AP4E1: variants seen among roughly 807,000 people sequenced by gnomAD.
AP4E1 encodes AP-4 complex subunit epsilon-1.
AP4E1 carries 56 observed loss-of-function variants against 128.2 expected under a neutral mutation model. That is an observed-to-expected ratio of 0.44 (90% confidence interval 0.35 to 0.55). AP4E1 has a LOEUF of 0.55. Ranked by LOEUF, AP4E1 falls within the 20% of genes least tolerant of loss-of-function variation. The pLI, the probability that AP4E1 is intolerant of heterozygous loss-of-function variation, is 0.00. For synonymous variants in AP4E1, 484 were observed against 473.1 expected (o/e 1.02, Z -0.30); for missense variants, 1,324 against 1,307.7 (o/e 1.01, Z -0.19).
At chr15:50,980,704 G>A (rs2064632087) in intron 15 of AP4E1, among the ~76,000 whole-genome samples, 3 of 152,112 alleles carry the variant, frequency 2.0e-5, no homozygotes, top group South Asian at 4.2e-4. Flanking sequence ...GATGACCAGC[G>A]TACCCTTCAT....
chr15:50,918,687 G>C (rs1252465187), intron 3 of AP4E1, among the ~76,000 whole-genome samples: 1 of 151,884 alleles, frequency 6.6e-6, no homozygotes, highest in African/African-American at 2.4e-5. Flanking sequence ...TTTTGAAAAA[G>C]CAAGCAAAAG....
chr15:50,930,890 T>C lies in AP4E1; in HGVS notation c.788T>C (p.Phe263Ser), dbSNP rs750803302. Residue 263 changes from phenylalanine (F) to serine (S), a missense_variant, in exon 7 of 21, where the codon TTC becomes TCC. Physicochemically the swap from Phe to Ser is radical, Grantham distance 155 (BLOSUM62 -2). Coordinates refer to ENST00000261842, the MANE Select transcript of AP4E1 (RefSeq NM_007347.5). ...GTTGGAGGAAAGCTCCCAGTAGAAT[T>C]CAATTACCACAGTGTGCCAGCACCA... is the stretch of plus-strand genomic sequence containing the variant. Reference protein sequence around the residue: ...QVVGGKLPVEFNYHSVPAPWL... With the variant: ...QVVGGKLPVESNYHSVPAPWL... 1 of 1,614,094 alleles carries C rather than the reference T, an allele frequency of 6.2e-7. No individual in the cohort carries two copies. Among genetic ancestry groups the C allele is most frequent in the African/African-American group, 1.3e-5 (1 of 75,028 alleles).
chr15:50,956,599 G>T (rs1167744632), intron 13 of AP4E1, among the ~76,000 whole-genome samples: 1 of 152,176 alleles, frequency 6.6e-6, no homozygotes, highest in Non-Finnish European at 1.5e-5. Context: ...GCAGGAGAGA[G>T]AATGAAGCCA....
chr15:50,998,259 A>G (rs1258621920), intron 18 of AP4E1, among the ~76,000 whole-genome samples: 1 of 152,080 alleles, frequency 6.6e-6, no homozygotes, highest in African/African-American at 2.4e-5. Context: ...AGTTTCTTCT[A>G]TGAGCTAGAA....
chr15:50,915,144 C>T (rs1449545321), intron 2 of AP4E1, among the ~76,000 whole-genome samples: 3 of 152,104 alleles, frequency 2.0e-5, no homozygotes, highest in South Asian at 2.1e-4. Flanking sequence ...GTGAAGACCC[C>T]ATGTATCACA....
intron 17 of AP4E1, among the ~76,000 whole-genome samples, chr15:50,995,198 T>C (rs2064852296): frequency 6.6e-6 from 1 of 152,194 alleles, no homozygotes; most frequent in African/African-American, 2.4e-5. Flanking sequence ...TTTGGATGGC[T>C]GTTTTTCTTC....
chr15:50,923,033 T>C (rs937455498), intron 3 of AP4E1, among the ~76,000 whole-genome samples: 1 of 152,190 alleles, frequency 6.6e-6, no homozygotes, highest in Admixed American at 6.5e-5. Flanking sequence ...CACCTCGGCC[T>C]CCCAAAGTGC....
chr15:50,975,675 G>C (rs1024081849), intron 15 of AP4E1, among the ~76,000 whole-genome samples: 2 of 152,108 alleles, frequency 1.3e-5, no homozygotes, highest in African/African-American at 4.8e-5. Flanking sequence ...GTACTATGCT[G>C]TTTTGATTAT....
At chr15:50,997,971 G>T in intron 18 of AP4E1, 88 bp downstream of exon 18, 1 of 1,045,350 alleles carries the variant, frequency 9.6e-7, no homozygotes, top group Non-Finnish European at 1.4e-6. Flanking sequence ...CTTCACTTTT[G>T]TCATAAACAC....
intron 5 of AP4E1, 35 bp from the exon 6 acceptor site, chr15:50,928,974 G>C: frequency 1.2e-6 from 2 of 1,607,758 alleles, no homozygotes; most frequent in Middle Eastern, 3.3e-4. Context: ...TGAGAATTCA[G>C]ATTGTCTTGT....
rs1468608014 is a variant in AP4E1 at position 50,999,218 on chromosome 15, T to C, written c.3051T>C (p.Ala1017=). The change falls in exon 19 of 21, where the codon GCT becomes GCC. Residue 1017 remains alanine, a synonymous_variant. Coordinates refer to ENST00000261842, the MANE Select transcript of AP4E1 (RefSeq NM_007347.5). ...ATCATATGATGGATACTCATTCTGC[T>C]CAGCTGGAATTTTCTGTAAACTTAT... ...ISYHMMDTHS[A]QLEFSVNLSL... is the part of the protein sequence containing the mutation. The C allele has an allele frequency of 3.7e-6, 6 of 1,612,682 alleles. No individual in the cohort carries two copies. Among genetic ancestry groups the C allele is most frequent in the Non-Finnish European group, 5.1e-6 (6 of 1,179,272 alleles).
In AP4E1 at chr15:50,997,585, A is replaced by T; in HGVS notation, c.2606A>T (p.Tyr869Phe). 6.2e-7 allele frequency: 1 copy of T among 1,614,070 alleles called. No homozygotes were observed. The highest frequency in any genetic ancestry group is 1.1e-5 in the South Asian group (1 of 91,074). The change falls in exon 18 of 21, where the codon TAT (tyrosine) becomes TTT (phenylalanine). Residue 869 changes from tyrosine (Y) to phenylalanine (F), a missense_variant. By Grantham distance (22) the Tyr-to-Phe change is conservative (BLOSUM62 3). Coordinates refer to ENST00000261842, the MANE Select transcript of AP4E1 (RefSeq NM_007347.5). The part of the protein sequence containing the change: ...TELPLVEKFS[Y>F]CSLSTPSLFA... ...CTGCCCTTGGTTGAGAAATTCTCAT[A>T]TTGTAGTCTGTCTACACCTTCATTG...
chr15:50,936,501 A>G (rs1335521973), intron 8 of AP4E1, among the ~76,000 whole-genome samples: 1 of 152,180 alleles, frequency 6.6e-6, no homozygotes, highest in Non-Finnish European at 1.5e-5. Context: ...TACAATGAAC[A>G]GTAAGTGTCC....
chr15:50,990,360 T>TTATTAC (rs2064788848), intron 16 of AP4E1, among the ~76,000 whole-genome samples: 1 of 147,448 alleles, frequency 6.8e-6, no homozygotes, highest in Non-Finnish European at 1.5e-5. Flanking sequence ...ATTATTATTA[T>TTATTAC]TATTATTATT....
intron 8 of AP4E1, among the ~76,000 whole-genome samples, chr15:50,936,803 G>A (rs984820805): frequency 1.4e-4 from 21 of 152,172 alleles, no homozygotes; most frequent in East Asian, 5.8e-4. Context: ...GCATGGTGGC[G>A]TGTTCCTGTA....
chr15:50,915,614 T>C (rs1262675109), intron 3 of AP4E1, 43 bp downstream of exon 3: 2 of 1,599,166 alleles, frequency 1.3e-6, no homozygotes, highest in Admixed American at 3.3e-5. Context: ...ATGTTGTCCT[T>C]GAAGTTGCAT....
rs2064984153 is a variant in AP4E1 at position 51,003,102 on chromosome 15, T to C, written c.*440T>C. Reference sequence around the variant, plus strand: ...ATTCATATTTGGCTTTGGAATGTAGTGTATGGTTTTTGGTAGGGAAGTCAA... The same window carrying C: ...ATTCATATTTGGCTTTGGAATGTAGCGTATGGTTTTTGGTAGGGAAGTCAA... On this transcript the variant is annotated 3_prime_UTR_variant, in exon 21 of 21. Coordinates refer to ENST00000261842, the MANE Select transcript of AP4E1 (RefSeq NM_007347.5). 1 of 205,780 alleles carries C rather than the reference T, an allele frequency of 4.9e-6. No individual in the cohort carries two copies. Among genetic ancestry groups the C allele is most frequent in the South Asian group, 8.4e-5 (1 of 11,838 alleles). 12.7% of individuals were successfully genotyped at this position (205,780 alleles called of 1,614,324 possible). A position where few individuals can be genotyped will look rare whatever the true frequency, so the allele number is the denominator to read the frequency against.
chr15:50,945,467 G>A, intron 10 of AP4E1: 1 of 771,386 alleles, frequency 1.3e-6, no homozygotes. Flanking sequence ...TTTGATATGT[G>A]TGCACTGGAC....
intron 7 of AP4E1, 47 bp downstream of exon 7, chr15:50,931,018 A>C (rs533503417): frequency 6.2e-7 from 1 of 1,606,124 alleles, no homozygotes; most frequent in East Asian, 2.2e-5. Context: ...ATACCAGATG[A>C]TAAGCTTAGA....
Sources: allele counts gnomAD v4.1 joint callset (sites outside exome capture counted in the v4.1 genomes callset), GRCh38; gene constraint gnomAD v4.1.1; transcripts MANE v1.5; gene names NCBI Gene and HGNC (gene_info 2026-07-23, HGNC 2026-07-21).